The following GRIA3 variants were observed in gnomAD, a reference collection of about 807,000 sequenced individuals.
The protein encoded by GRIA3 is glutamate receptor 3.
Under a neutral mutation model 63.0 loss-of-function variants are expected in GRIA3, and 3 were observed. That is an observed-to-expected ratio of 0.05 (90% confidence interval 0.02 to 0.12). GRIA3 has a LOEUF of 0.12. Among genes scored for constraint, GRIA3 ranks in the 10% least tolerant of loss-of-function variants. GRIA3 has a pLI of 1.00. For synonymous variants in GRIA3, 274 were observed against 257.9 expected (o/e 1.06, Z -0.60); for missense variants, 347 against 700.9 (o/e 0.50, Z 5.70).
intron 13 of GRIA3, among the ~76,000 whole-genome samples, chrX:123,477,859 G>A (rs1046317731): frequency 1.8e-5 from 2 of 111,825 alleles, no homozygotes; most frequent in Admixed American, 9.5e-5. Context: ...ACTGAATGAC[G>A]TAATTTGAAG....
intron 10 of GRIA3, 97 bp downstream of exon 10, chrX:123,405,011 G>T: frequency 1.5e-6 from 1 of 663,901 alleles, no homozygotes; most frequent in Non-Finnish European, 2.5e-6. Context: ...TTATCCAATT[G>T]TATAGTTTAC....
rs138208523 is a variant in GRIA3 at position 123,386,336 on chromosome X, C to T, written c.751-8632C>T. Reference sequence around the variant, plus strand: ...TGTTTTTTATTGAGTTGTTTGAGTTCCTTGTATATTCTGGATATTAGTCCC... The same window carrying T: ...TGTTTTTTATTGAGTTGTTTGAGTTTCTTGTATATTCTGGATATTAGTCCC... On this transcript the variant is annotated intron_variant, in intron 5 of 15. Transcript: ENST00000620443. Among the ~76,000 whole-genome samples, 48 of 111,163 alleles carry T rather than the reference C, an allele frequency of 4.3e-4. No individual in the cohort carries two copies. The East Asian group carries it at 0.01, about 24-fold the overall frequency.
chrX:123,468,428 A>G (rs2045845766), intron 13 of GRIA3, among the ~76,000 whole-genome samples: 1 of 112,275 alleles, frequency 8.9e-6, no homozygotes, highest in South Asian at 3.7e-4. Context: ...TGAGGACAAG[A>G]AAGGTTTGTT....
rs999406178 is a variant in GRIA3, at chrX:123,373,899, C to T, written c.750+18936C>T. ...TCAATTTTGGCTTTCGTTGCGATTG[C>T]TTTTGGTGTTTTAGACATGAAGTCC... is the stretch of plus-strand genomic sequence containing the variant. On this transcript the variant is annotated intron_variant, in intron 5 of 15. Transcript: ENST00000620443. 2.7e-5 allele frequency among the ~76,000 whole-genome samples: 3 copies of T among 111,617 alleles called. No homozygotes were observed. The Admixed American group carries it at 2.9e-4, about 11-fold the overall frequency.
chrX:123,294,067 AT>A (rs1188395819), intron 3 of GRIA3, among the ~76,000 whole-genome samples: 1 of 109,144 alleles, frequency 9.2e-6, no homozygotes, highest in Non-Finnish European at 1.9e-5. Flanking sequence ...AAAAAAAAAA[AT>A]CTATTGGCTG....
intron 5 of GRIA3, among the ~76,000 whole-genome samples, chrX:123,374,098 T>C (rs1179693477): frequency 1.8e-5 from 2 of 111,919 alleles, no homozygotes; most frequent in Non-Finnish European, 3.8e-5. Context: ...CTCAGCACCA[T>C]TTATTAAACA....
At chrX:123,469,956 G>A (rs1479102000) in intron 13 of GRIA3, among the ~76,000 whole-genome samples, 3 of 112,087 alleles carry the variant, frequency 2.7e-5, no homozygotes, top group Non-Finnish European at 5.6e-5. Flanking sequence ...TAGGGTCAGT[G>A]AAACGAGCTA....
At chrX:123,272,844 A>G (rs2044531856) in intron 3 of GRIA3, among the ~76,000 whole-genome samples, 1 of 111,601 alleles carries the variant, frequency 9.0e-6, no homozygotes, top group Non-Finnish European at 1.9e-5. Context: ...TTTAAATGAG[A>G]GAGTCCATTT....
At chrX:123,242,479 A>T (rs1160478787) in intron 2 of GRIA3, among the ~76,000 whole-genome samples, 1 of 111,707 alleles carries the variant, frequency 9.0e-6, no homozygotes, top group Admixed American at 9.5e-5. Flanking sequence ...TTATTTTTTC[A>T]ATTAAGAGTC....
chrX:123,380,391 C>G (rs1286289592), intron 5 of GRIA3, among the ~76,000 whole-genome samples: 2 of 109,351 alleles, frequency 1.8e-5, no homozygotes, highest in African/African-American at 3.5e-5. Flanking sequence ...TCTCTGATGG[C>G]CAGTGATGAT....
chrX:123,278,091 C>T (rs771847420), intron 3 of GRIA3, among the ~76,000 whole-genome samples: 1 of 112,192 alleles, frequency 8.9e-6, no homozygotes, highest in African/African-American at 3.2e-5. Flanking sequence ...TCAACGATCA[C>T]AGATAGCCCA....
At chrX:123,382,708 T>A (rs1478967645) in intron 5 of GRIA3, among the ~76,000 whole-genome samples, 3 of 111,427 alleles carry the variant, frequency 2.7e-5, no homozygotes, top group Non-Finnish European at 5.7e-5. Flanking sequence ...ATTAGGCAAA[T>A]CTTCAAGAAA....
chrX:123,253,738 T>C (rs1002634457), intron 3 of GRIA3, 196 bp downstream of exon 3: 2 of 433,002 alleles, frequency 4.6e-6, no homozygotes, highest in African/African-American at 2.5e-5. Flanking sequence ...TTTCAAGCTA[T>C]GTAGGCCCTC....
chrX:123,377,319 C>T (rs1015091529), intron 5 of GRIA3, among the ~76,000 whole-genome samples: 1 of 111,684 alleles, frequency 9.0e-6, no homozygotes, highest in Non-Finnish European at 1.9e-5. Flanking sequence ...TTCCAGAGGC[C>T]GAAGTCTCTT....
At chrX:123,448,315 G>A (rs73541980) in intron 12 of GRIA3, among the ~76,000 whole-genome samples, 4,286 of 111,601 alleles carry the variant, frequency 0.038, 197 homozygotes, top group African/African-American at 0.13. Flanking sequence ...CAGGCTGGGG[G>A]AGCTATTCCA....
At chrX:123,358,396 A>C in intron 5 of GRIA3, 1 of 112,306 alleles carries the variant, frequency 8.9e-6, no homozygotes, top group Non-Finnish European at 1.9e-5. Context: ...GTACATTTAC[A>C]TGGAACTTCC....
At position 123,451,505 on chromosome X, in the gene GRIA3, TAAAAAAAAAAAAAAAAAAA is replaced by T. The variant is rs56991039; in HGVS notation, c.2077-13343_2077-13325del. On this transcript the variant is annotated intron_variant, in intron 12 of 15. Coordinates refer to ENST00000620443, the MANE Select transcript of GRIA3 (RefSeq NM_007325.5). ...GGACAACAGAGAGAGACTCTGTCTC[TAAAAAAAAAAAAAAAAAAA>T]AAAAAAAAAAAAAAAATTAATTCAA... is the stretch of plus-strand genomic sequence containing the variant. Among the ~76,000 whole-genome samples the T allele has an allele frequency of 6.2e-4, 10 of 16,191 alleles. No individual in the cohort carries two copies. In the Admixed American group the frequency reaches 6.3e-3, roughly 10 times the overall value. The allele number at this position is 16,191 out of a possible 115,157, so 14.1% of individuals were successfully genotyped here.
chrX:123,242,901 A>G (rs1212300590), intron 2 of GRIA3, among the ~76,000 whole-genome samples: 1 of 112,520 alleles, frequency 8.9e-6, no homozygotes, highest in Non-Finnish European at 1.9e-5. Context: ...AAAATAATAT[A>G]AATAACATAT....
intron 2 of GRIA3, among the ~76,000 whole-genome samples, chrX:123,190,367 T>G (rs1300808833): frequency 1.8e-5 from 2 of 111,229 alleles, no homozygotes; most frequent in Admixed American, 9.6e-5. Flanking sequence ...CCCTGAAGCA[T>G]GAAGAGGTTG....
Sources: allele counts gnomAD v4.1 joint callset (sites outside exome capture counted in the v4.1 genomes callset), GRCh38; gene constraint gnomAD v4.1.1; transcripts MANE v1.5; gene names NCBI Gene and HGNC (gene_info 2026-07-23, HGNC 2026-07-21).